Variants in ADGRV1 observed in about 807,000 individuals in gnomAD.
ADGRV1 encodes the protein adhesion G protein-coupled receptor V1.
A neutral mutation model predicts 596.2 loss-of-function variants in ADGRV1; 359 were observed. The ratio of observed to expected loss-of-function variants is 0.60; its 90% CI spans 0.55 to 0.66. The LOEUF is 0.66. Among genes scored for constraint, ADGRV1 ranks in the 30% least tolerant of loss-of-function variants. The probability of loss-of-function intolerance (pLI) is 0.00; values close to 1 mark genes in which losing one functional copy is unlikely to be tolerated. For missense variants in ADGRV1, 7,274 were observed against 7,575.6 expected (o/e 0.96, Z 1.48); for synonymous variants, 2,681 against 2,679.2 (o/e 1.00, Z -0.02).
In ADGRV1 at chr5:90,685,082, A is replaced by AT. The variant is rs1164480238; in HGVS notation, c.6275-692dup. ...AGTGATGATTAATTATACTCTAATG[A>AT]TTTTTTCCTTTTTGATAACTTTTCA... is the stretch of plus-strand genomic sequence containing the variant. On this transcript the variant is annotated intron_variant, in intron 28 of 89. Coordinates refer to ENST00000405460, the MANE Select transcript of ADGRV1 (RefSeq NM_032119.4). Among the ~76,000 whole-genome samples, 3 of 152,178 alleles carry AT rather than the reference A, an allele frequency of 2.0e-5. No individual in the cohort carries two copies. The East Asian group carries it at 5.8e-4, about 29-fold the overall frequency.
chr5:90,845,452 T>C (rs1341614103), intron 78 of ADGRV1, among the ~76,000 whole-genome samples: 1 of 152,168 alleles, frequency 6.6e-6, no homozygotes, highest in Non-Finnish European at 1.5e-5. Flanking sequence ...TGGGTAGCCA[T>C]AGAATGCCTG....
Position 90,721,525 on chromosome 5 carries a change from A to AAAAT in ADGRV1, c.9748+469_9748+470insTAAA, listed in dbSNP as rs57822565. On this transcript the variant is annotated intron_variant, in intron 45 of 89. Coordinates refer to ENST00000405460, the MANE Select transcript of ADGRV1 (RefSeq NM_032119.4). ...TCTAAAAAATAAAATAAAATAAAAT[A>AAAAT]AAAATAAAAATAAAATAAAATAAAA... Among the ~76,000 whole-genome samples the AAAAT allele has an allele frequency of 3.2e-3, 258 of 80,686 alleles. 4 individuals carry two copies. The highest frequency in any genetic ancestry group is 8.7e-3 in the Admixed American group (54 of 6,226). The allele number at this position is 80,686 out of a possible 152,430, so 52.9% of individuals were successfully genotyped here. A position where few individuals can be genotyped will look rare whatever the true frequency, so the allele number is the denominator to read the frequency against.
chr5:90,607,210 A>C (rs998565982), intron 1 of ADGRV1, among the ~76,000 whole-genome samples: 5 of 152,346 alleles, frequency 3.3e-5, no homozygotes, highest in Middle Eastern at 3.4e-3. Context: ...AAAGCTTAGC[A>C]GTAAGCTAGG....
chr5:91,139,652 A>G (rs1435296500), intron 87 of ADGRV1, among the ~76,000 whole-genome samples: 1 of 152,220 alleles, frequency 6.6e-6, no homozygotes, highest in African/African-American at 2.4e-5. Context: ...AGTAACATGT[A>G]GTTATCATGT....
intron 1 of ADGRV1, among the ~76,000 whole-genome samples, chr5:90,570,936 C>A (rs1469765432): frequency 1.3e-5 from 2 of 152,066 alleles, no homozygotes; most frequent in Non-Finnish European, 2.9e-5. Context: ...TCTCCAGGGA[C>A]AGTATTTATC....
At chr5:90,815,062 C>T (rs1332555866) in intron 74 of ADGRV1, among the ~76,000 whole-genome samples, 5 of 151,848 alleles carry the variant, frequency 3.3e-5, no homozygotes, top group Non-Finnish European at 7.4e-5. Context: ...CCGAGATGCT[C>T]AGGAGTTCCT....
chr5:90,789,617 C>T, intron 68 of ADGRV1, 85 bp from the exon 69 acceptor site: 1 of 776,436 alleles, frequency 1.3e-6, no homozygotes. Flanking sequence ...ATTTCCTCAG[C>T]TTCTCTGTTT....
At chr5:90,991,764 G>C (rs1295424577) in intron 85 of ADGRV1, among the ~76,000 whole-genome samples, 2 of 152,228 alleles carry the variant, frequency 1.3e-5, no homozygotes, top group East Asian at 3.9e-4. Flanking sequence ...TTAATATAGA[G>C]GACAAATCTC....
chr5:90,948,097 A>G (rs1045840783), intron 83 of ADGRV1, among the ~76,000 whole-genome samples: 3 of 152,116 alleles, frequency 2.0e-5, no homozygotes, highest in Admixed American at 6.6e-5. Flanking sequence ...CTACTCCACA[A>G]GGCAGATATA....
intron 36 of ADGRV1, 87 bp downstream of exon 36, chr5:90,704,575 T>A (rs2149688303): frequency 2.7e-6 from 2 of 739,702 alleles, no homozygotes; most frequent in Admixed American, 2.8e-5. Flanking sequence ...AACAATTAGA[T>A]GCATACCAAT....
chr5:90,660,294 A>T (rs966500890), intron 21 of ADGRV1, among the ~76,000 whole-genome samples: 1 of 152,146 alleles, frequency 6.6e-6, no homozygotes, highest in Non-Finnish European at 1.5e-5. Flanking sequence ...TTGAATATGG[A>T]AAATATCAGC....
intron 10 of ADGRV1, among the ~76,000 whole-genome samples, chr5:90,636,859 G>T (rs1215701142): frequency 6.6e-6 from 1 of 151,852 alleles, no homozygotes; most frequent in Non-Finnish European, 1.5e-5. Flanking sequence ...CCTCTTTTAG[G>T]AGCATAAAAA....
chr5:90,943,957 A>AG (rs962116687), intron 83 of ADGRV1, among the ~76,000 whole-genome samples: 20 of 152,210 alleles, frequency 1.3e-4, no homozygotes, highest in South Asian at 4.2e-4. Flanking sequence ...ATTGAGGTGT[A>AG]GGGGGGGCAC....
intron 1 of ADGRV1, among the ~76,000 whole-genome samples, chr5:90,580,036 G>A (rs1757784900): frequency 6.6e-6 from 1 of 152,130 alleles, no homozygotes; most frequent in African/African-American, 2.4e-5. Context: ...CCTGAAAAGA[G>A]CACACTGATG....
In ADGRV1 at chr5:90,840,703, C is replaced by T. The variant is rs1296482485; in HGVS notation, c.16737C>T (p.Val5579=). 6.2e-7 allele frequency: 1 copy of T among 1,614,018 alleles called. No individual in the cohort carries two copies. Among genetic ancestry groups the T allele is most frequent in the Admixed American group, 1.7e-5 (1 of 60,030 alleles). Residue 5579 remains valine (V), a synonymous_variant, in exon 78 of 90, where the codon GTC becomes GTT. Transcript: ENST00000405460. ...GCCAGAGAAGCACTGTATTGGATGT[C>T]ATCCTAACGCCAGAGACAGGATCTT... ...EPGQRSTVLD[V]ILTPETGSLN... is the part of the protein sequence containing the mutation.
chr5:90,869,322 C>T (rs750326659), intron 83 of ADGRV1, among the ~76,000 whole-genome samples: 19 of 152,130 alleles, frequency 1.2e-4, no homozygotes, highest in Non-Finnish European at 2.4e-4. Context: ...GTAAGGCTTG[C>T]AGATCCCACA....
At chr5:90,880,363 T>C (rs533212067) in intron 83 of ADGRV1, among the ~76,000 whole-genome samples, 141 of 152,312 alleles carry the variant, frequency 9.3e-4, no homozygotes, top group African/African-American at 3.2e-3. Context: ...TGAAAATTGC[T>C]AAAGGCTTTA....
intron 84 of ADGRV1, among the ~76,000 whole-genome samples, chr5:90,982,254 C>T (rs1780136913): frequency 6.6e-6 from 1 of 152,162 alleles, no homozygotes; most frequent in African/African-American, 2.4e-5. Context: ...AGGAACTTAA[C>T]TCTTTTCTGT....
At chr5:90,644,565 A>G in intron 14 of ADGRV1, 141 bp from the exon 15 acceptor site, 1 of 645,464 alleles carries the variant, frequency 1.5e-6, no homozygotes, top group Non-Finnish European at 2.6e-6. Flanking sequence ...TATGTACCTT[A>G]AAAACTGTGC....
Sources: allele counts gnomAD v4.1 joint callset (sites outside exome capture counted in the v4.1 genomes callset), GRCh38; gene constraint gnomAD v4.1.1; transcripts MANE v1.5; gene names NCBI Gene and HGNC (gene_info 2026-07-23, HGNC 2026-07-21).